Variants in PITPNM2 observed in about 807,000 individuals in gnomAD.
PITPNM2 encodes the protein membrane-associated phosphatidylinositol transfer protein 2.
In PITPNM2, 35 loss-of-function variants were observed where a neutral mutation model predicts 132.2. That is an observed-to-expected ratio of 0.26 (90% confidence interval 0.20 to 0.35). PITPNM2 has a LOEUF of 0.35. Among genes scored for constraint, PITPNM2 ranks in the 10% least tolerant of loss-of-function variants. PITPNM2 has a pLI of 1.00. For synonymous variants in PITPNM2, 738 were observed against 799.2 expected (o/e 0.92, Z 1.29); for missense variants, 1,332 against 1,912.0 (o/e 0.70, Z 5.66).
At chr12:122,988,919 A>G (rs1252127098) in intron 18 of PITPNM2, 47 bp from the exon 19 acceptor site, 2 of 1,490,598 alleles carry the variant, frequency 1.3e-6, no homozygotes, top group East Asian at 2.5e-5. Flanking sequence ...AGCCCCAGAC[A>G]GGGACCCCGA....
intron 1 of PITPNM2, among the ~76,000 whole-genome samples, chr12:123,127,233 G>A (rs1429585031): frequency 6.6e-6 from 1 of 152,184 alleles, no homozygotes; most frequent in Non-Finnish European, 1.5e-5. Flanking sequence ...TGAACACCCT[G>A]CATCACGCCA....
intron 11 of PITPNM2, 35 bp from the exon 12 acceptor site, chr12:122,996,945 G>C: frequency 1.3e-6 from 2 of 1,521,710 alleles, no homozygotes; most frequent in Non-Finnish European, 1.8e-6. Context: ...AGGGCAGGCG[G>C]CTCCAGCTCA....
In PITPNM2 at chr12:122,996,838, G is replaced by C. The variant is rs755110787; in HGVS notation, c.1545C>G (p.Pro515=). Residue 515 remains proline, a synonymous_variant, in exon 12 of 26, where the codon CCC becomes CCG. Transcript: ENST00000320201. ...ACTGGGGGGAGGAGGTGGCCAGCAG[G>C]GGGAGGGCAGCCAGGGGAATGTGGT... ...SQDHIPLAAL[P]LLATSSPQYQ... 5.0e-6 allele frequency: 8 copies of C among 1,598,738 alleles called. No homozygotes were observed. The highest frequency in any genetic ancestry group is 3.4e-5 in the South Asian group (3 of 89,118).
At chr12:123,038,918 A>T (rs2040367776) in intron 2 of PITPNM2, among the ~76,000 whole-genome samples, 1 of 152,212 alleles carries the variant, frequency 6.6e-6, no homozygotes, top group African/African-American at 2.4e-5. Context: ...TGGGCAATAC[A>T]GTGAGATACT....
intron 16 of PITPNM2, among the ~76,000 whole-genome samples, chr12:122,991,056 AC>A (rs2038166540): frequency 6.6e-6 from 1 of 152,158 alleles, no homozygotes; most frequent in Admixed American, 6.5e-5. Context: ...GCCTGACCTG[AC>A]CCACAGCCCA....
intron 1 of PITPNM2, among the ~76,000 whole-genome samples, chr12:123,131,907 C>G (rs1227093886): frequency 6.6e-6 from 1 of 152,252 alleles, no homozygotes; most frequent in African/African-American, 2.4e-5. Context: ...TCAGGACCAA[C>G]CAGAGGCAGG....
In PITPNM2 at chr12:123,095,135, A is replaced by G. The variant is rs1178854282; in HGVS notation, c.-96+15250T>C. ...GGGATCCAAGACTCTCCACTCCACC[A>G]TCCTTGCACAGCAGGCTGATTCAGG... On this transcript the variant is annotated intron_variant, in intron 2 of 25. Transcript: ENST00000320201. This position sits in a 1 kb window ranked among gnomAD's most constrained non-coding sequence, Gnocchi z 5.0. 6.6e-6 allele frequency among the ~76,000 whole-genome samples: 1 copy of G among 152,154 alleles called. No individual in the cohort carries two copies. The highest frequency in any genetic ancestry group is 1.5e-5 in the Non-Finnish European group (1 of 68,018).
rs376448245 is a variant in PITPNM2 at position 122,990,485 on chromosome 12, T to A, written c.2569+60A>T. ...TGCTCCTAGACATGGCCAGCAGCTG[T>A]CCCCTGTGGGCACAATGGCCCTGGC... is the stretch of plus-strand genomic sequence containing the variant. On this transcript the variant is annotated intron_variant, in intron 17 of 25. Coordinates refer to ENST00000320201, the MANE Select transcript of PITPNM2 (RefSeq NM_020845.3). The A allele has an allele frequency of 1.1e-4, 169 of 1,592,074 alleles. No homozygotes were observed. In the African/African-American group the frequency reaches 2.1e-3, roughly 20 times the overall value.
Position 123,078,967 on chromosome 12 carries a change from G to A in PITPNM2, c.-96+31418C>T, listed in dbSNP as rs777659660. Reference sequence around the variant, plus strand: ...CTTCTTGGAGATCACATGACCAGGGGCAAGTCTGGTCACTTCCTTGAGCTT... The same window carrying A: ...CTTCTTGGAGATCACATGACCAGGGACAAGTCTGGTCACTTCCTTGAGCTT... On this transcript the variant is annotated intron_variant, in intron 2 of 25. Transcript: ENST00000320201. The surrounding 1 kb of genome is among the most constrained non-coding windows in gnomAD (Gnocchi z 7.3). Among the ~76,000 whole-genome samples, 57 of 152,186 alleles carry A rather than the reference G, an allele frequency of 3.7e-4. No homozygotes were observed. Among genetic ancestry groups the A allele is most frequent in the Non-Finnish European group, 5.4e-4 (37 of 68,032 alleles).
At position 123,000,053 on chromosome 12, in the gene PITPNM2, AG is replaced by A. The variant is rs2038590499; in HGVS notation, c.1224+724del. ...AGACCGCAAAGCAGAAAACCACAGG[AG>A]GGGGAGGCTGTGTGGATGTCCCTCC... On this transcript the variant is annotated intron_variant, in intron 10 of 25. Transcript: ENST00000320201. This position sits in a 1 kb window ranked among gnomAD's most constrained non-coding sequence, Gnocchi z 5.4. Among the ~76,000 whole-genome samples the A allele has an allele frequency of 6.6e-6, 1 of 152,118 alleles. No individual in the cohort carries two copies. The highest frequency in any genetic ancestry group is 2.1e-4 in the South Asian group (1 of 4,830).
chr12:123,003,218 G>C (rs1379386866), intron 8 of PITPNM2, among the ~76,000 whole-genome samples: 4 of 152,134 alleles, frequency 2.6e-5, no homozygotes, highest in Non-Finnish European at 5.9e-5. Context: ...CTGCTCCTCT[G>C]AGAACTTCTG....
intron 2 of PITPNM2, among the ~76,000 whole-genome samples, chr12:123,066,805 C>T (rs917883715): frequency 3.3e-5 from 5 of 152,112 alleles, no homozygotes; most frequent in Admixed American, 6.5e-5. Context: ...TGGACCCCCT[C>T]GGCTGCTCTG....
chr12:123,085,488 C>T lies in PITPNM2; in HGVS notation c.-96+24897G>A, dbSNP rs555019441. Among the ~76,000 whole-genome samples the T allele has an allele frequency of 7.2e-5, 11 of 152,064 alleles. No homozygotes were observed. The East Asian group carries it at 1.7e-3, about 24-fold the overall frequency. ...CGCAAATCCATAGAGACAAAGAGTA[C>T]GGCAGAGGCTACTGGGGGTGAGGAA... On this transcript the variant is annotated intron_variant, in intron 2 of 25. Coordinates refer to ENST00000320201, the MANE Select transcript of PITPNM2 (RefSeq NM_020845.3).
At position 123,075,065 on chromosome 12, in the gene PITPNM2, T is replaced by C. The variant is rs1592993915; in HGVS notation, c.-96+35320A>G. On this transcript the variant is annotated intron_variant, in intron 2 of 25. Transcript: ENST00000320201. ...TGTGTGCGTGCATGTGGGTGTGAGC[T>C]TGTGAGTTGCATGTGCATGCCTGCA... is the stretch of plus-strand genomic sequence containing the variant. 2.0e-5 allele frequency among the ~76,000 whole-genome samples: 3 copies of C among 152,174 alleles called. No homozygotes were observed. The East Asian group carries it at 5.8e-4, about 29-fold the overall frequency.
chr12:122,987,707 C>G lies in PITPNM2; in HGVS notation c.3115-48G>C, dbSNP rs759704259. ...GGGCTGGCTGTGTCTGGCCTCTCCA[C>G]CCCCTGCACCCCGGCCAGAGGGCAG... On this transcript the variant is annotated intron_variant, in intron 21 of 25. Coordinates refer to ENST00000320201, the MANE Select transcript of PITPNM2 (RefSeq NM_020845.3). The G allele has an allele frequency of 3.7e-6, 6 of 1,611,276 alleles. No homozygotes were observed. The East Asian group carries it at 1.1e-4, about 30-fold the overall frequency.
chr12:123,111,628 G>A lies in PITPNM2; in HGVS notation c.-199-1140C>T, dbSNP rs2042835716. ...GGGAGCGGGCGGCTCTTCCAACCCC[G>A]CCACCGCCACCGCGTCCTGCATGCC... On this transcript the variant is annotated intron_variant, in intron 1 of 25. Coordinates refer to ENST00000320201, the MANE Select transcript of PITPNM2 (RefSeq NM_020845.3). This position sits in a 1 kb window ranked among gnomAD's most constrained non-coding sequence, Gnocchi z 4.1. Among the ~76,000 whole-genome samples, 2 of 152,146 alleles carry A rather than the reference G, an allele frequency of 1.3e-5. No individual in the cohort carries two copies. The highest frequency in any genetic ancestry group is 4.8e-5 in the African/African-American group (2 of 41,416).
At chr12:123,129,696 T>C (rs1290013052) in intron 1 of PITPNM2, among the ~76,000 whole-genome samples, 1 of 152,204 alleles carries the variant, frequency 6.6e-6, no homozygotes, top group East Asian at 1.9e-4. Context: ...CTAATATTTA[T>C]GTTTCTGAGG....
intron 1 of PITPNM2, among the ~76,000 whole-genome samples, chr12:123,128,141 G>A (rs990441619): frequency 5.9e-5 from 9 of 151,384 alleles, no homozygotes; most frequent in Non-Finnish European, 1.2e-4. Flanking sequence ...TGACTATTAA[G>A]GATAAAGTAT....
intron 2 of PITPNM2, among the ~76,000 whole-genome samples, chr12:123,052,615 G>C (rs1366206610): frequency 6.6e-6 from 1 of 152,066 alleles, no homozygotes; most frequent in Non-Finnish European, 1.5e-5. Flanking sequence ...CAAGAGCCTT[G>C]TCTCAATCAA....
Sources: allele counts gnomAD v4.1 joint callset (sites outside exome capture counted in the v4.1 genomes callset), GRCh38; gene constraint gnomAD v4.1.1; non-coding constraint Gnocchi (gnomAD v3.1); transcripts MANE v1.5; gene names NCBI Gene and HGNC (gene_info 2026-07-23, HGNC 2026-07-21).